DLGAP5: variants seen among roughly 807,000 people sequenced by gnomAD.
DLGAP5 encodes DLG associated protein 5, also known as disks large-associated protein 5.
DLGAP5 carries 90 observed loss-of-function variants against 99.6 expected under a neutral mutation model. That is an observed-to-expected ratio of 0.90 (90% CI 0.76 to 1.08). The LOEUF is 1.08. DLGAP5 is among the 50% of genes least tolerant of loss of function. The probability of loss-of-function intolerance (pLI) is 0.00; values close to 1 mark genes in which losing one functional copy is unlikely to be tolerated. For synonymous variants in DLGAP5, 311 were observed against 321.3 expected (o/e 0.97, Z 0.34); for missense variants, 1,036 against 983.5 (o/e 1.05, Z -0.71).
Position 55,188,779 on chromosome 14 carries a change from TAAAAAAAAA to T in DLGAP5, c.238+154_238+162del, listed in dbSNP as rs397852487. On this transcript the variant is annotated intron_variant, in intron 2 of 18. Transcript: ENST00000247191. The stretch of plus-strand genomic sequence containing the variant: ...CAGTGAGACCCTGTCTCTTGTAATT[TAAAAAAAAA>T]AAAAAAAAAAAAAGGAAAAAGACCA... 3.4e-5 allele frequency among the ~76,000 whole-genome samples: 4 copies of T among 116,230 alleles called. No homozygotes were observed. The East Asian group carries it at 7.2e-4, about 21-fold the overall frequency. 76.3% of individuals were successfully genotyped at this position (116,230 alleles called of 152,430 possible). A position where few individuals can be genotyped will look rare whatever the true frequency, so the allele number is the denominator to read the frequency against.
chr14:55,155,744 T>C (rs1882193383), intron 14 of DLGAP5, among the ~76,000 whole-genome samples: 1 of 152,152 alleles, frequency 6.6e-6, no homozygotes, highest in African/African-American at 2.4e-5. Flanking sequence ...ATGTAGATTG[T>C]TGAGTGGGAC....
rs1317963884 is a variant in DLGAP5, at chr14:55,180,717, C to G, written c.642G>C (p.Lys214Asn). 1 of 1,614,026 alleles carries G rather than the reference C, an allele frequency of 6.2e-7. No homozygotes were observed. ...RMTRSATQAA[K>N]QVPRTVSSTT... ...TAGATGAGACTGTTCTGGGAACCTG[C>G]TTTGCTGCTTGAGTAGCTGATCGAG... is the stretch of plus-strand genomic sequence containing the variant. The change falls in exon 6 of 19, where the codon AAG (lysine) becomes AAC (asparagine). Residue 214 changes from lysine (K) to asparagine (N), a missense_variant. Transcript: ENST00000247191.
intron 2 of DLGAP5, among the ~76,000 whole-genome samples, chr14:55,186,249 CAAG>C (rs957135594): frequency 1.3e-5 from 2 of 152,042 alleles, no homozygotes; most frequent in African/African-American, 4.8e-5. Flanking sequence ...CCAGCCTGGG[CAAG>C]AAGAGCAAAA....
chr14:55,175,580 T>C (rs540392297), intron 9 of DLGAP5, 108 bp from the exon 10 acceptor site: 10 of 771,058 alleles, frequency 1.3e-5, no homozygotes, highest in Non-Finnish European at 2.0e-5. Flanking sequence ...AATTTTAAAA[T>C]TTTATTTCTG....
At chr14:55,179,062 A>T (rs957885528) in intron 7 of DLGAP5, among the ~76,000 whole-genome samples, 2 of 152,184 alleles carry the variant, frequency 1.3e-5, no homozygotes, top group African/African-American at 4.8e-5. Flanking sequence ...ATAAAATAAA[A>T]GAAAATAAAC....
chr14:55,168,563 TAG>T (rs144394649), intron 12 of DLGAP5, among the ~76,000 whole-genome samples: 12,536 of 152,232 alleles, frequency 0.082, 1,380 homozygotes, highest in African/African-American at 0.25. Context: ...TTCAAAACGC[TAG>T]AGTCATCTTC....
At position 55,188,776 on chromosome 14, in the gene DLGAP5, AT is replaced by A. The variant is rs1225522677; in HGVS notation, c.238+165del. On this transcript the variant is annotated intron_variant, in intron 2 of 18. Transcript: ENST00000247191. ...ACACAGTGAGACCCTGTCTCTTGTA[AT>A]TTAAAAAAAAAAAAAAAAAAAAAAG... Among the ~76,000 whole-genome samples, 84 of 125,442 alleles carry A rather than the reference AT, an allele frequency of 6.7e-4. 1 individual carries two copies. The Middle Eastern group carries it at 0.021, about 32-fold the overall frequency. 82.3% of individuals were successfully genotyped at this position (125,442 alleles called of 152,430 possible). A position where few individuals can be genotyped will look rare whatever the true frequency, so the allele number is the denominator to read the frequency against.
chr14:55,188,776 A>AT lies in DLGAP5; in HGVS notation c.238+165dup, dbSNP rs1225522677. Among the ~76,000 whole-genome samples the AT allele has an allele frequency of 8.0e-5, 10 of 125,442 alleles. No homozygotes were observed. The South Asian group carries it at 1.1e-3, about 13-fold the overall frequency. The allele number at this position is 125,442 out of a possible 152,430, so 82.3% of individuals were successfully genotyped here. A position where few individuals can be genotyped will look rare whatever the true frequency, so the allele number is the denominator to read the frequency against. ...ACACAGTGAGACCCTGTCTCTTGTA[A>AT]TTTAAAAAAAAAAAAAAAAAAAAAA... On this transcript the variant is annotated intron_variant, in intron 2 of 18. Transcript: ENST00000247191.
intron 12 of DLGAP5, 128 bp from the exon 13 acceptor site, chr14:55,163,203 G>C (rs1882509997): frequency 4.4e-6 from 2 of 453,768 alleles, no homozygotes; most frequent in Admixed American, 8.4e-5. Context: ...ACTGGACTGA[G>C]TCATTCTCAA....
At chr14:55,179,074 A>G (rs1162071961) in intron 7 of DLGAP5, among the ~76,000 whole-genome samples, 1 of 152,080 alleles carries the variant, frequency 6.6e-6, no homozygotes, top group Non-Finnish European at 1.5e-5. Context: ...AAAATAAACT[A>G]TATCATAGAT....
Position 55,177,332 on chromosome 14 carries a change from A to G in DLGAP5, c.779T>C (p.Ile260Thr). 6.3e-7 allele frequency: 1 copy of G among 1,588,344 alleles called. No homozygotes were observed. Among genetic ancestry groups the G allele is most frequent in the Non-Finnish European group, 8.5e-7 (1 of 1,170,180 alleles). ...KNVETKPDKG[I>T]SCKVDSEENT... is the part of the protein sequence containing the mutation. Reference sequence around the variant, plus strand: ...TTCTTCACTATCGACTTTACAAGAAATACCCTAGGATGTGAGTTAACAAAG... The same window carrying G: ...TTCTTCACTATCGACTTTACAAGAAGTACCCTAGGATGTGAGTTAACAAAG... Residue 260 changes from isoleucine (I) to threonine (T), a missense_variant, in exon 8 of 19, where the codon ATT becomes ACT. Physicochemically the swap from Ile to Thr is moderately conservative, Grantham distance 89 (BLOSUM62 -1). Transcript: ENST00000247191.
intron 12 of DLGAP5, among the ~76,000 whole-genome samples, chr14:55,165,325 C>T (rs1289241088): frequency 1.3e-5 from 2 of 151,978 alleles, no homozygotes; most frequent in South Asian, 4.1e-4. Context: ...TAAGACCTGG[C>T]CACCTGGGTA....
At chr14:55,190,597 T>A (rs1883580796) in intron 1 of DLGAP5, among the ~76,000 whole-genome samples, 2 of 152,346 alleles carry the variant, frequency 1.3e-5, no homozygotes, top group African/African-American at 4.8e-5. Context: ...CACTATGGTA[T>A]ATTCTTCAAC....
intron 13 of DLGAP5, 113 bp from the exon 14 acceptor site, chr14:55,158,854 T>A (rs1003363104): frequency 2.8e-6 from 2 of 713,358 alleles, no homozygotes; most frequent in African/African-American, 1.8e-5. Context: ...AAAGTATACA[T>A]AAAATATTTC....
At chr14:55,186,810 C>G (rs559009267) in intron 2 of DLGAP5, among the ~76,000 whole-genome samples, 38 of 152,354 alleles carry the variant, frequency 2.5e-4, no homozygotes, top group African/African-American at 8.7e-4. Context: ...GTTAATCAGT[C>G]TCTCCTCGAT....
chr14:55,186,758 C>A (rs1486019850), intron 2 of DLGAP5, among the ~76,000 whole-genome samples: 1 of 152,236 alleles, frequency 6.6e-6, no homozygotes, highest in Non-Finnish European at 1.5e-5. Flanking sequence ...CAAATTCTCA[C>A]CTCTATTATA....
chr14:55,182,350 T>G lies in DLGAP5; in HGVS notation c.495+20A>C. 6.3e-7 allele frequency: 1 copy of G among 1,594,894 alleles called. No homozygotes were observed. Among genetic ancestry groups the G allele is most frequent in the South Asian group, 1.1e-5 (1 of 87,980 alleles). ...GTGCAATTTATCATTTTAGTAACAA[T>G]TATCTACTATCAACTATACCTTAGT... On this transcript the variant is annotated intron_variant, in intron 4 of 18. Coordinates refer to ENST00000247191, the MANE Select transcript of DLGAP5 (RefSeq NM_014750.5).
At chr14:55,151,401 A>G (rs1460552970) in intron 17 of DLGAP5, among the ~76,000 whole-genome samples, 1 of 152,198 alleles carries the variant, frequency 6.6e-6, no homozygotes, top group Non-Finnish European at 1.5e-5. Context: ...AAAAATAAAA[A>G]AATTAGCTAG....
chr14:55,158,848 T>C lies in DLGAP5; in HGVS notation c.1654-107A>G. On this transcript the variant is annotated intron_variant, in intron 13 of 18. Coordinates refer to ENST00000247191, the MANE Select transcript of DLGAP5 (RefSeq NM_014750.5). ...AAAAATTTAATTTTTAAAAATAAAG[T>C]ATACATAAAATATTTCACATTCATC... 3 of 741,654 alleles carry C rather than the reference T, an allele frequency of 4.0e-6. 1 individual carries two copies. Among genetic ancestry groups the C allele is most frequent in the Non-Finnish European group, 6.5e-6 (3 of 464,612 alleles). The allele number at this position is 741,654 out of a possible 1,614,324, so 45.9% of individuals were successfully genotyped here.
Sources: allele counts gnomAD v4.1 joint callset (sites outside exome capture counted in the v4.1 genomes callset), GRCh38; gene constraint gnomAD v4.1.1; transcripts MANE v1.5; gene names NCBI Gene and HGNC (gene_info 2026-07-23, HGNC 2026-07-21).